Variants in FAS observed in about 807,000 individuals in gnomAD.
FAS encodes Fas cell surface death receptor, also known as tumor necrosis factor receptor superfamily member 6.
FAS carries 5 observed loss-of-function variants against 33.2 expected under a neutral mutation model. The observed-to-expected ratio is 0.15, with a 90% CI of 0.08 to 0.32. The LOEUF is 0.32. Among genes scored for constraint, FAS ranks in the 10% least tolerant of loss-of-function variants. FAS has a pLI of 1.00. For missense variants in FAS, 339 were observed against 386.0 expected (o/e 0.88, Z 1.02); for synonymous variants, 131 against 130.7 (o/e 1.00, Z -0.01).
upstream of FAS, among the ~76,000 whole-genome samples, chr10:88,983,242 C>A (rs781093553): frequency 4.6e-5 from 7 of 152,170 alleles, no homozygotes; most frequent in Non-Finnish European, 7.4e-5. Context: ...TCTTACTTAG[C>A]AGACTTACCC....
chr10:89,007,802 A>G lies in FAS; in HGVS notation c.299A>G (p.Lys100Arg). 1 of 1,614,042 alleles carries G rather than the reference A, an allele frequency of 6.2e-7. No homozygotes were observed. The highest frequency in any genetic ancestry group is 8.5e-7 in the Non-Finnish European group (1 of 1,179,918). ...ACAGACAAAGCCCATTTTTCTTCCA[A>G]ATGCAGAAGATGTAGATTGTGTGAT... ...EYTDKAHFSSKCRRCRLCDEG... is the reference protein window; with the variant it reads ...EYTDKAHFSSRCRRCRLCDEG... Residue 100 changes from lysine (K) to arginine (R), a missense_variant, in exon 3 of 9, where the codon AAA becomes AGA. By Grantham distance (26) the Lys-to-Arg change is conservative. Coordinates refer to ENST00000652046, the MANE Select transcript of FAS (RefSeq NM_000043.6).
chr10:89,007,593 C>T, intron 2 of FAS, 107 bp from the exon 3 acceptor site: 1 of 1,413,012 alleles, frequency 7.1e-7, no homozygotes, highest in South Asian at 1.2e-5. Flanking sequence ...TACCCCCCCT[C>T]CCCTTGTGTT....
upstream of FAS, among the ~76,000 whole-genome samples, chr10:88,984,073 C>T (rs1036656705): frequency 1.3e-5 from 2 of 152,164 alleles, no homozygotes; most frequent in African/African-American, 2.4e-5. Flanking sequence ...GGGAGGGTTA[C>T]TATCATTCCT....
At chr10:89,006,163 A>G (rs1848217959) in intron 2 of FAS, among the ~76,000 whole-genome samples, 1 of 152,234 alleles carries the variant, frequency 6.6e-6, no homozygotes, top group Admixed American at 6.5e-5. Context: ...CACATTCTGT[A>G]AGATAATTCA....
At chr10:89,007,414 T>G (rs1343171344) in intron 2 of FAS, among the ~76,000 whole-genome samples, 1 of 152,212 alleles carries the variant, frequency 6.6e-6, no homozygotes, top group East Asian at 1.9e-4. Context: ...TTTCATGCAG[T>G]GTACTTTGTC....
chr10:89,012,667 T>C (rs1848591669), intron 7 of FAS: 1 of 157,806 alleles, frequency 6.3e-6, no homozygotes, highest in Admixed American at 6.2e-5. Context: ...AACCTCCATG[T>C]TCCGTGTTGT....
intron 7 of FAS, among the ~76,000 whole-genome samples, 165 bp from the exon 8 acceptor site, chr10:89,013,178 G>T (rs1172195196): frequency 6.6e-6 from 1 of 152,142 alleles, no homozygotes; most frequent in Non-Finnish European, 1.5e-5. Context: ...AAATTGAATG[G>T]TAAAAGTAAC....
At chr10:88,995,119 A>G (rs967342209) in intron 1 of FAS, among the ~76,000 whole-genome samples, 1 of 152,130 alleles carries the variant, frequency 6.6e-6, no homozygotes, top group African/African-American at 2.4e-5. Flanking sequence ...AAAGTGGAAA[A>G]ATAACATTTA....
At chr10:88,964,892 C>G (rs1303983338) in intron 1 of FAS, among the ~76,000 whole-genome samples, 1 of 152,074 alleles carries the variant, frequency 6.6e-6, no homozygotes, top group African/African-American at 2.4e-5. Context: ...TTTCCTCTGC[C>G]CTCCTGTTTG....
At chr10:88,989,388 G>T, upstream of FAS, 7 of 386,904 alleles carry the variant, frequency 1.8e-5, no homozygotes, top group East Asian at 6.8e-5. Flanking sequence ...ATAGTTTTAG[G>T]ATTTCAAAAA....
At chr10:89,012,736 C>T (rs1409406282) in intron 7 of FAS, 1 of 153,944 alleles carries the variant, frequency 6.5e-6, no homozygotes, top group Non-Finnish European at 1.4e-5. Flanking sequence ...CAAGCCTGAG[C>T]AAAGAGATTG....
chr10:88,981,723 T>C (rs1202277287), intron 2 of FAS, among the ~76,000 whole-genome samples: 5 of 152,130 alleles, frequency 3.3e-5, no homozygotes, highest in South Asian at 2.1e-4. Flanking sequence ...AGATAAAAGA[T>C]TGGGCAAAGT....
At chr10:88,976,279 A>G (rs1359675353) in intron 2 of FAS, among the ~76,000 whole-genome samples, 1 of 152,194 alleles carries the variant, frequency 6.6e-6, no homozygotes, top group African/African-American at 2.4e-5. Flanking sequence ...ATTCAAAGCC[A>G]TCCTGGGCTG....
rs1272633083 is a variant in FAS, at chr10:89,014,153, T to C, written c.711T>C (p.Ala237=). 22 of 1,613,730 alleles carry C rather than the reference T, an allele frequency of 1.4e-5. No homozygotes were observed. Among genetic ancestry groups the C allele is most frequent in the Non-Finnish European group, 1.9e-5 (22 of 1,179,904 alleles). The stretch of plus-strand genomic sequence containing the variant: ...TGAGTAAATATATCACCACTATTGC[T>C]GGAGTCATGACACTAAGTCAAGTTA... ...VDLSKYITTI[A]GVMTLSQVKG... Residue 237 remains alanine, a synonymous_variant, in exon 9 of 9, where the codon GCT becomes GCC. Coordinates refer to ENST00000652046, the MANE Select transcript of FAS (RefSeq NM_000043.6).
At chr10:88,973,221 T>C in exon 2 of FAS, 1 of 1,612,650 alleles carries the variant, frequency 6.2e-7, no homozygotes, top group Non-Finnish European at 8.5e-7. Flanking sequence ...TGGCACTGCT[T>C]TGGAGATGGA....
At chr10:88,992,865 CT>C (rs1364080984) in intron 1 of FAS, among the ~76,000 whole-genome samples, 1 of 152,204 alleles carries the variant, frequency 6.6e-6, no homozygotes, top group Non-Finnish European at 1.5e-5. Flanking sequence ...TTTCAACACT[CT>C]TGTGTCACCT....
chr10:89,007,654 C>G (rs759213901), intron 2 of FAS, 46 bp from the exon 3 acceptor site: 21 of 1,610,262 alleles, frequency 1.3e-5, no homozygotes, highest in Non-Finnish European at 1.8e-5. Flanking sequence ...ACCCTGTTAC[C>G]TGCCCGTGTC....
intron 1 of FAS, among the ~76,000 whole-genome samples, chr10:88,999,739 G>A (rs898783443): frequency 3.3e-5 from 5 of 152,074 alleles, no homozygotes; most frequent in African/African-American, 7.2e-5. Context: ...CAGTAACAGC[G>A]CAATGAGATC....
At chr10:88,983,680 T>A (rs1187594202), upstream of FAS, among the ~76,000 whole-genome samples, 2 of 144,052 alleles carry the variant, frequency 1.4e-5, no homozygotes, top group African/African-American at 5.2e-5. Context: ...GGACATTATA[T>A]AAGCATTAGA....
Sources: allele counts gnomAD v4.1 joint callset (sites outside exome capture counted in the v4.1 genomes callset), GRCh38; gene constraint gnomAD v4.1.1; transcripts MANE v1.5; gene names NCBI Gene and HGNC (gene_info 2026-07-23, HGNC 2026-07-21).